Variants in DLG2 observed in about 807,000 individuals in gnomAD.
DLG2 encodes the protein discs large MAGUK scaffold protein 2.
Under a neutral mutation model 132.5 loss-of-function variants are expected in DLG2, and 45 were observed. That is an observed-to-expected ratio of 0.34 (90% CI 0.27 to 0.44). DLG2 has a LOEUF of 0.44. Among genes scored for constraint, DLG2 ranks in the 20% least tolerant of loss-of-function variants. The probability of loss-of-function intolerance (pLI) is 1.00; values close to 1 mark genes in which losing one functional copy is unlikely to be tolerated. For missense variants in DLG2, 1,045 were observed against 1,196.9 expected (o/e 0.87, Z 1.87); for synonymous variants, 424 against 419.6 (o/e 1.01, Z -0.13).
chr11:83,835,670 T>A (rs761561030), intron 16 of DLG2, among the ~76,000 whole-genome samples: 33 of 152,180 alleles, frequency 2.2e-4, no homozygotes, highest in Non-Finnish European at 4.3e-4. Context: ...ATCTAGCAGG[T>A]TAAAACCACA....
intron 6 of DLG2, among the ~76,000 whole-genome samples, chr11:84,828,716 A>T (rs2078650180): frequency 6.6e-6 from 1 of 151,794 alleles, no homozygotes; most frequent in Admixed American, 6.6e-5. Context: ...TAATACCATC[A>T]GCTTGGTTTG....
chr11:84,745,975 G>A (rs2065301211), intron 6 of DLG2, among the ~76,000 whole-genome samples: 1 of 152,166 alleles, frequency 6.6e-6, no homozygotes, highest in Non-Finnish European at 1.5e-5. Flanking sequence ...AAAAATTCCA[G>A]GTGGATTGCT....
At chr11:85,320,333 G>T (rs2080974176) in intron 3 of DLG2, among the ~76,000 whole-genome samples, 1 of 151,870 alleles carries the variant, frequency 6.6e-6, no homozygotes, top group African/African-American at 2.4e-5. Context: ...TTCAGAGCAT[G>T]TAAGTAGGGA....
intron 6 of DLG2, among the ~76,000 whole-genome samples, chr11:84,645,363 C>T (rs920667572): frequency 6.6e-6 from 1 of 152,120 alleles, no homozygotes; most frequent in Admixed American, 6.5e-5. Flanking sequence ...TATTTTTACC[C>T]AAAGCCTGAG....
At chr11:84,093,666 G>C (rs1241841769) in intron 10 of DLG2, among the ~76,000 whole-genome samples, 2 of 151,960 alleles carry the variant, frequency 1.3e-5, no homozygotes, top group Non-Finnish European at 2.9e-5. Flanking sequence ...CCAGGCTGGA[G>C]TGCAGTGGTA....
chr11:83,694,449 A>G (rs1424541029), intron 18 of DLG2, among the ~76,000 whole-genome samples: 1 of 152,200 alleles, frequency 6.6e-6, no homozygotes, highest in African/African-American at 2.4e-5. Context: ...CTCAGACCTC[A>G]TAGATTTTGA....
rs566844172 is a variant in DLG2 at position 85,586,842 on chromosome 11, A to C, written c.40+11815T>G. On this transcript the variant is annotated intron_variant, in intron 3 of 27. Coordinates refer to ENST00000376104, the MANE Select transcript of DLG2 (RefSeq NM_001142699.3). ...TTGATGTAAGCATTTAATGCTATGA[A>C]CTTTCCTCATAGCACTGCTTTTGCT... 3.4e-3 allele frequency among the ~76,000 whole-genome samples: 519 copies of C among 152,236 alleles called. 4 individuals are homozygous for C. Among genetic ancestry groups the C allele is most frequent in the Non-Finnish European group, 5.5e-3 (371 of 68,016 alleles).
intron 10 of DLG2, among the ~76,000 whole-genome samples, chr11:84,064,854 C>T (rs995412920): frequency 2.0e-5 from 3 of 151,984 alleles, no homozygotes; most frequent in African/African-American, 7.2e-5. Flanking sequence ...CAGCAAGGTA[C>T]TGGTACAAAA....
At chr11:85,483,633 G>C (rs1487560983) in intron 3 of DLG2, among the ~76,000 whole-genome samples, 1 of 152,138 alleles carries the variant, frequency 6.6e-6, no homozygotes, top group African/African-American at 2.4e-5. Flanking sequence ...TTAGTATGAA[G>C]GTTAAAAGAC....
At chr11:83,695,027 C>A (rs915002977) in intron 18 of DLG2, among the ~76,000 whole-genome samples, 2 of 152,206 alleles carry the variant, frequency 1.3e-5, no homozygotes, top group African/African-American at 4.8e-5. Context: ...TATTTGTTCA[C>A]CACCTATAAA....
At chr11:85,423,764 T>C (rs905389850) in intron 3 of DLG2, among the ~76,000 whole-genome samples, 2 of 152,062 alleles carry the variant, frequency 1.3e-5, no homozygotes, top group Non-Finnish European at 2.9e-5. Context: ...TAAGGGCTGG[T>C]CTCACACCCA....
intron 4 of DLG2, among the ~76,000 whole-genome samples, chr11:85,209,703 G>A (rs140373391): frequency 0.043 from 6,411 of 149,270 alleles, 191 homozygotes; most frequent in East Asian, 0.094. Flanking sequence ...GCCTCCCAAA[G>A]TTCTGGGATT....
At chr11:84,125,289 A>G (rs2094123491) in intron 9 of DLG2, among the ~76,000 whole-genome samples, 1 of 152,200 alleles carries the variant, frequency 6.6e-6, no homozygotes, top group Non-Finnish European at 1.5e-5. Flanking sequence ...TAATACTACA[A>G]ATCCAACCTC....
At chr11:85,260,633 A>G (rs1256644715) in intron 4 of DLG2, among the ~76,000 whole-genome samples, 1 of 152,204 alleles carries the variant, frequency 6.6e-6, no homozygotes, top group Non-Finnish European at 1.5e-5. Context: ...AAACAGAGAT[A>G]AATAAAATAC....
At chr11:84,601,138 A>G (rs915410199) in intron 6 of DLG2, among the ~76,000 whole-genome samples, 1 of 152,140 alleles carries the variant, frequency 6.6e-6, no homozygotes, top group Non-Finnish European at 1.5e-5. Flanking sequence ...CGCATATATT[A>G]TCAAGCAAGA....
intron 3 of DLG2, among the ~76,000 whole-genome samples, chr11:85,315,172 C>T (rs1596173157): frequency 6.6e-6 from 1 of 152,000 alleles, no homozygotes; most frequent in Non-Finnish European, 1.5e-5. Context: ...AGCACCAAAA[C>T]AAGTCCCTGG....
chr11:84,737,780 A>T (rs926920581), intron 6 of DLG2, among the ~76,000 whole-genome samples: 8 of 152,020 alleles, frequency 5.3e-5, no homozygotes, highest in African/African-American at 1.9e-4. Context: ...CTCAAGGAAC[A>T]TCTTAGAAAG....
At chr11:83,938,805 G>A (rs908019761) in intron 14 of DLG2, among the ~76,000 whole-genome samples, 1 of 152,224 alleles carries the variant, frequency 6.6e-6, no homozygotes, top group African/African-American at 2.4e-5. Flanking sequence ...CAGGACACAT[G>A]TGCATAGAAA....
chr11:85,047,654 G>C (rs1274203387), intron 6 of DLG2, among the ~76,000 whole-genome samples: 1 of 151,288 alleles, frequency 6.6e-6, no homozygotes, highest in East Asian at 1.9e-4. Flanking sequence ...TAAAATAACT[G>C]GGACAAATCT....
Sources: gnomAD v4.1 joint callset for allele counts (sites outside exome capture counted in the v4.1 genomes callset) on GRCh38, gnomAD v4.1.1 for gene constraint, MANE v1.5 for transcripts, NCBI Gene and HGNC (gene_info 2026-07-23, HGNC 2026-07-21) for gene names.